ERICH3: variants seen among roughly 807,000 people sequenced by gnomAD.
The protein encoded by ERICH3 is glutamate-rich protein 3.
Under a neutral mutation model 131.1 loss-of-function variants are expected in ERICH3, and 126 were observed. That is an observed-to-expected ratio of 0.96 (90% CI 0.83 to 1.11). The LOEUF is 1.11. ERICH3 is among the 50% of genes most tolerant of loss of function. The probability of loss-of-function intolerance (pLI) is 0.00; values close to 1 mark genes in which losing one functional copy is unlikely to be tolerated. For synonymous variants in ERICH3, 695 were observed against 644.6 expected (o/e 1.08, Z -1.18); for missense variants, 2,050 against 1,810.7 (o/e 1.13, Z -2.40).
intron 13 of ERICH3, 25 bp downstream of exon 13, chr1:74,576,870 G>A (rs1647065835): frequency 1.3e-6 from 2 of 1,581,782 alleles, no homozygotes; most frequent in Non-Finnish European, 8.6e-7. Flanking sequence ...ACTCTAATTG[G>A]ACCTCTTGCA....
At chr1:74,584,784 G>A (rs1219315413) in intron 12 of ERICH3, among the ~76,000 whole-genome samples, 1 of 152,172 alleles carries the variant, frequency 6.6e-6, no homozygotes, top group African/African-American at 2.4e-5. Context: ...ATTGAGAACA[G>A]TGTGTGGCAT....
At position 74,656,024 on chromosome 1, in the gene ERICH3, A is replaced by G. The variant is rs561770191; in HGVS notation, c.24-6709T>C. On this transcript the variant is annotated intron_variant, in intron 1 of 14. Coordinates refer to ENST00000326665, the MANE Select transcript of ERICH3 (RefSeq NM_001002912.5). ...TTCTGTATCATGACTAAAAATCAGA[A>G]TGCCTTCACTGCTTTATGACCCAAC... is the stretch of plus-strand genomic sequence containing the variant. Among the ~76,000 whole-genome samples, 13 of 152,252 alleles carry G rather than the reference A, an allele frequency of 8.5e-5. No individual in the cohort carries two copies. In the East Asian group the frequency reaches 2.3e-3, roughly 27 times the overall value.
intron 10 of ERICH3, among the ~76,000 whole-genome samples, chr1:74,604,512 G>T (rs1312850400): frequency 1.3e-5 from 2 of 151,838 alleles, no homozygotes; most frequent in Admixed American, 6.6e-5. Flanking sequence ...GGCAGCTATA[G>T]CCTTACAAAA....
chr1:74,642,900 TCATTGA>T (rs1646448608), intron 4 of ERICH3, 121 bp downstream of exon 4: 1 of 652,874 alleles, frequency 1.5e-6, no homozygotes, highest in Non-Finnish European at 2.6e-6. Flanking sequence ...TGGTGAACCA[TCATTGA>T]CTTCAACTAT....
chr1:74,637,697 A>G (rs1646401785), intron 5 of ERICH3, among the ~76,000 whole-genome samples: 1 of 152,118 alleles, frequency 6.6e-6, no homozygotes, highest in Admixed American at 6.5e-5. Flanking sequence ...TGGTGGGTAG[A>G]ACACTTGAGC....
chr1:74,573,907 T>C (rs984786514), intron 13 of ERICH3, among the ~76,000 whole-genome samples: 3 of 151,948 alleles, frequency 2.0e-5, no homozygotes, highest in Admixed American at 2.0e-4. Context: ...TTCTTAGAAA[T>C]AATAATAAGT....
chr1:74,578,787 C>T (rs1406380090), intron 12 of ERICH3, among the ~76,000 whole-genome samples: 1 of 151,954 alleles, frequency 6.6e-6, no homozygotes, highest in African/African-American at 2.4e-5. Flanking sequence ...AACTGGAATG[C>T]AGTTTCTTGC....
chr1:74,647,815 C>T (rs1467314557), intron 2 of ERICH3, among the ~76,000 whole-genome samples: 1 of 152,120 alleles, frequency 6.6e-6, no homozygotes, highest in Non-Finnish European at 1.5e-5. Context: ...CAAGTGATGG[C>T]TTATTGATAA....
At chr1:74,663,753 G>C (rs1469564886) in intron 1 of ERICH3, among the ~76,000 whole-genome samples, 3 of 151,270 alleles carry the variant, frequency 2.0e-5, no homozygotes, top group Admixed American at 6.6e-5. Flanking sequence ...ATAAAAAAAT[G>C]TTGCCCCAAG....
At chr1:74,578,170 A>G (rs1316063869) in intron 12 of ERICH3, 1 of 152,604 alleles carries the variant, frequency 6.6e-6, no homozygotes, top group Non-Finnish European at 1.5e-5. Context: ...CTGTCTGTCA[A>G]AAAGAGTTAT....
intron 8 of ERICH3, among the ~76,000 whole-genome samples, chr1:74,614,504 G>A (rs1397270276): frequency 4.6e-5 from 7 of 151,304 alleles, no homozygotes; most frequent in Admixed American, 3.9e-4. Flanking sequence ...GTGAAACCCC[G>A]TCTCTACTAA....
At chr1:74,618,738 T>G (rs555958676) in intron 8 of ERICH3, among the ~76,000 whole-genome samples, 6 of 152,326 alleles carry the variant, frequency 3.9e-5, no homozygotes, top group Non-Finnish European at 8.8e-5. Context: ...TACCTGGGAA[T>G]AAAGGATGCA....
At chr1:74,631,967 GA>G in intron 6 of ERICH3, 39 bp from the exon 7 acceptor site, 1 of 1,561,304 alleles carries the variant, frequency 6.4e-7, no homozygotes, top group Non-Finnish European at 8.8e-7. Flanking sequence ...CAGTGAAACA[GA>G]ATCAGTGACT....
At position 74,571,146 on chromosome 1, in the gene ERICH3, C is replaced by G. The variant is rs1456702675; in HGVS notation, c.4564G>C (p.Asp1522His). 3 of 1,613,950 alleles carry G rather than the reference C, an allele frequency of 1.9e-6. No homozygotes were observed. Among genetic ancestry groups the G allele is most frequent in the Non-Finnish European group, 2.5e-6 (3 of 1,179,930 alleles). The change falls in exon 14 of 15, where the codon GAT becomes CAT. Residue 1522 changes from aspartate (D) to histidine (H), a missense_variant. Transcript: ENST00000326665. ...ACCTGCACGTTGTTGGGGGAAACAT[C>G]TGCAGTCTCGCTTTCTCCTTGCACC... ...HMVQGESETA[D>H]VSPNNVQV
intron 10 of ERICH3, among the ~76,000 whole-genome samples, chr1:74,606,001 C>T (rs908923282): frequency 1.9e-5 from 2 of 107,254 alleles, no homozygotes; most frequent in African/African-American, 7.3e-5. Flanking sequence ...TATGAATGCG[C>T]GTGTGTCTGT....
At chr1:74,633,430 A>C (rs776093981) in intron 6 of ERICH3, among the ~76,000 whole-genome samples, 1 of 151,986 alleles carries the variant, frequency 6.6e-6, no homozygotes, top group Non-Finnish European at 1.5e-5. Flanking sequence ...ATGACAAGAA[A>C]ATCAATGAAT....
rs1355783269 is a variant in ERICH3, at chr1:74,584,081, C to A, written c.2176+5550G>T. ...GTGCTTTCATCATTCTTTGTGTAGC[C>A]AGTCGATTACCTTCCCAACAACTCA... is the stretch of plus-strand genomic sequence containing the variant. On this transcript the variant is annotated intron_variant, in intron 12 of 14. Transcript: ENST00000326665. Among the ~76,000 whole-genome samples the A allele has an allele frequency of 5.3e-5, 8 of 152,230 alleles. 1 individual carries two copies. Among genetic ancestry groups the A allele is most frequent in the African/African-American group, 1.9e-4 (8 of 41,542 alleles).
intron 13 of ERICH3, among the ~76,000 whole-genome samples, chr1:74,575,973 A>G (rs571008476): frequency 2.0e-5 from 3 of 152,338 alleles, no homozygotes; most frequent in African/African-American, 7.2e-5. Flanking sequence ...ATTTAATATA[A>G]GAGAGCAAAC....
rs746757389 is a variant in ERICH3, at chr1:74,573,283, C to T, written c.2427G>A (p.Leu809=). 1.3e-6 allele frequency: 2 copies of T among 1,599,168 alleles called. No homozygotes were observed. The highest frequency in any genetic ancestry group is 2.2e-5 in the East Asian group (1 of 44,870). ...GEAGAVHEAP[L]RAWKPTAEQP... ...GCTCTGCTGTTGGCTTCCACGCCCT[C>T]AAGGGAGCCTCATGAACAGCTCCTG... Residue 809 remains leucine, a synonymous_variant, in exon 14 of 15, where the codon TTG becomes TTA. Transcript: ENST00000326665.
Sources: gnomAD v4.1 joint callset for allele counts (sites outside exome capture counted in the v4.1 genomes callset) on GRCh38, gnomAD v4.1.1 for gene constraint, MANE v1.5 for transcripts, NCBI Gene and HGNC (gene_info 2026-07-23, HGNC 2026-07-21) for gene names.